P4HA2: variants seen among roughly 807,000 people sequenced by gnomAD.
P4HA2 encodes prolyl 4-hydroxylase subunit alpha-2.
In P4HA2, 46 loss-of-function variants were observed where a neutral mutation model predicts 76.9. That is an observed-to-expected ratio of 0.60 (90% confidence interval 0.47 to 0.76). The LOEUF is 0.76. P4HA2 is among the 30% of genes least tolerant of loss of function. The pLI is 0.00. For missense variants in P4HA2, 583 were observed against 669.4 expected, an observed-to-expected ratio of 0.87 and a Z score of 1.42; for synonymous variants, 243 against 254.0, an observed-to-expected ratio of 0.96 and a Z score of 0.41.
intron 14 of P4HA2, chr5:132,193,380 T>C: frequency 5.7e-6 from 1 of 176,166 alleles, no homozygotes; most frequent in Non-Finnish European, 1.2e-5. Context: ...TTGGCTCTAT[T>C]CCCATGGCAA....
intron 14 of P4HA2, among the ~76,000 whole-genome samples, chr5:132,194,479 T>A (rs908296224): frequency 6.6e-6 from 1 of 152,188 alleles, no homozygotes; most frequent in Non-Finnish European, 1.5e-5. Flanking sequence ...AGCCTCATCT[T>A]CTGGCCCCTG....
intron 1 of P4HA2, 155 bp from the exon 2 acceptor site, chr5:132,218,799 A>G: frequency 1.8e-6 from 1 of 566,058 alleles, no homozygotes; most frequent in South Asian, 1.9e-5. Context: ...AACAGCAGAA[A>G]GAACAAAGAG....
At chr5:132,213,459 A>T (rs572995732) in intron 5 of P4HA2, among the ~76,000 whole-genome samples, 1 of 152,356 alleles carries the variant, frequency 6.6e-6, no homozygotes, top group East Asian at 1.9e-4. Context: ...GAGCAAGAAT[A>T]GAGCCTATAT....
chr5:132,216,231 G>A (rs1447260033), intron 4 of P4HA2, among the ~76,000 whole-genome samples: 1 of 149,314 alleles, frequency 6.7e-6, no homozygotes, highest in East Asian at 2.0e-4. Flanking sequence ...GGAGTTAGGA[G>A]AGCCCACCTC....
In P4HA2 at chr5:132,203,761, G is replaced by A. The variant is rs746767358; in HGVS notation, c.1238C>T (p.Ala413Val). 1 of 1,601,496 alleles carries A rather than the reference G, an allele frequency of 6.2e-7. No homozygotes were observed. The highest frequency in any genetic ancestry group is 2.2e-5 in the East Asian group (1 of 44,822). Residue 413 changes from alanine to valine, a missense_variant, in exon 10 of 15, where the codon GCA becomes GTA. Physicochemically the swap from Ala to Val is moderately conservative, Grantham distance 64. Transcript: ENST00000360568. ...TACTATCTGTACCTGTAACAATTCT[G>A]CAGTCTTTACTGTTAACCCTGTGAT... ...QHITGLTVKT[A>V]ELLQVANYGV...
At chr5:132,207,603 G>T in intron 8 of P4HA2, 105 bp downstream of exon 8, 1 of 896,418 alleles carries the variant, frequency 1.1e-6, no homozygotes, top group Non-Finnish European at 1.8e-6. Flanking sequence ...GCTAGATATG[G>T]ATAAAGGGTG....
intron 1 of P4HA2, among the ~76,000 whole-genome samples, chr5:132,226,291 G>A (rs535871203): frequency 2.0e-5 from 3 of 152,308 alleles, no homozygotes; most frequent in African/African-American, 7.2e-5. Context: ...AATGCCCCAA[G>A]CTACAACGTA....
intron 1 of P4HA2, among the ~76,000 whole-genome samples, chr5:132,226,407 C>G (rs751766761): frequency 2.0e-5 from 3 of 152,168 alleles, no homozygotes; most frequent in Non-Finnish European, 4.4e-5. Context: ...GGGTGTCACT[C>G]TACAGCAAAA....
intron 5 of P4HA2, among the ~76,000 whole-genome samples, chr5:132,213,367 C>A (rs1211193790): frequency 6.6e-6 from 1 of 151,412 alleles, no homozygotes; most frequent in Non-Finnish European, 1.5e-5. Context: ...TATCCAGTAG[C>A]CTAACCAGGA....
rs1481846164 is a variant in P4HA2 at position 132,190,309 on chromosome 5, C to T, written c.*2701G>A. Among the ~76,000 whole-genome samples the T allele has an allele frequency of 6.6e-6, 1 of 152,218 alleles. No homozygotes were observed. The highest frequency in any genetic ancestry group is 1.9e-4 in the East Asian group (1 of 5,200). ...TCAGCTGCAAGCTCATCCTTGTAGTCTCTACTGTTCTACTGTAGCTGCCAC... is the reference window on the plus strand; with the variant it reads ...TCAGCTGCAAGCTCATCCTTGTAGTTTCTACTGTTCTACTGTAGCTGCCAC... On this transcript the variant is annotated 3_prime_UTR_variant, in exon 15 of 15. Transcript: ENST00000360568.
chr5:132,207,681 C>A, intron 8 of P4HA2, 27 bp downstream of exon 8: 1 of 1,603,582 alleles, frequency 6.2e-7, no homozygotes, highest in South Asian at 1.1e-5. Context: ...CTTCAGTGAC[C>A]CGAGAAGGAC....
intron 4 of P4HA2, among the ~76,000 whole-genome samples, chr5:132,215,096 G>A (rs1368243662): frequency 6.6e-6 from 1 of 152,160 alleles, no homozygotes; most frequent in Admixed American, 6.5e-5. Context: ...ATCCACTTCA[G>A]CCATAACTGG....
rs201551157 is a variant in P4HA2, at chr5:132,217,789, T to G, written c.142A>C (p.Ile48Leu). 1.2e-5 allele frequency: 20 copies of G among 1,612,834 alleles called. No homozygotes were observed. The South Asian group carries it at 2.0e-4, about 16-fold the overall frequency. The change falls in exon 3 of 15, where the codon ATC becomes CTC. Residue 48 changes from isoleucine (I) to leucine (L), a missense_variant. Coordinates refer to ENST00000360568, the MANE Select transcript of P4HA2 (RefSeq NM_001017974.2). ...GAAAGCTTGGCTTCCTCCACAAGGATGTACTCTTTCAGAGACTGCACCAGC... is the reference window on the plus strand; with the variant it reads ...GAAAGCTTGGCTTCCTCCACAAGGAGGTACTCTTTCAGAGACTGCACCAGC... ...KELVQSLKEYILVEEAKLSKI... is the reference protein window; with the variant it reads ...KELVQSLKEYLLVEEAKLSKI...
chr5:132,227,640 T>G (rs1435642969), intron 1 of P4HA2, 150 bp downstream of exon 1: 1 of 152,682 alleles, frequency 6.5e-6, no homozygotes, highest in Non-Finnish European at 1.5e-5. Flanking sequence ...CGGACTGCGC[T>G]GCTGGCGGCT....
chr5:132,224,990 G>T (rs1038429074), intron 1 of P4HA2, among the ~76,000 whole-genome samples: 1 of 137,512 alleles, frequency 7.3e-6, no homozygotes, highest in African/African-American at 2.7e-5. Context: ...AGCTGAACAA[G>T]AACTCTCTTC....
chr5:132,195,298 G>A, intron 13 of P4HA2, 114 bp downstream of exon 13: 1 of 826,428 alleles, frequency 1.2e-6, no homozygotes, highest in Non-Finnish European at 2.1e-6. Context: ...CCCCAGGTGG[G>A]CTAAGGCACA....
At position 132,192,863 on chromosome 5, in the gene P4HA2, T is replaced by A; in HGVS notation, c.*147A>T. On this transcript the variant is annotated 3_prime_UTR_variant, in exon 15 of 15. Coordinates refer to ENST00000360568, the MANE Select transcript of P4HA2 (RefSeq NM_001017974.2). ...GGCTGGGACTTCAGTCACACAGGAGTCGCCCTAGTATGGTCTCCCTCTGCT... is the reference window on the plus strand; with the variant it reads ...GGCTGGGACTTCAGTCACACAGGAGACGCCCTAGTATGGTCTCCCTCTGCT... 1 of 606,938 alleles carries A rather than the reference T, an allele frequency of 1.6e-6. No individual in the cohort carries two copies. The highest frequency in any genetic ancestry group is 3.0e-6 in the Non-Finnish European group (1 of 330,834). The allele number at this position is 606,938 out of a possible 1,614,324, so 37.6% of individuals were successfully genotyped here. A position where few individuals can be genotyped will look rare whatever the true frequency, so the allele number is the denominator to read the frequency against.
intron 8 of P4HA2, among the ~76,000 whole-genome samples, chr5:132,204,800 G>A (rs535634283): frequency 6.3e-4 from 96 of 152,320 alleles, no homozygotes; most frequent in African/African-American, 2.0e-3. Flanking sequence ...GTGAACCACT[G>A]CCTGGAAGCC....
intron 12 of P4HA2, chr5:132,198,099 G>T: frequency 6.5e-7 from 1 of 1,535,912 alleles, no homozygotes; most frequent in South Asian, 1.2e-5. Flanking sequence ...AGAAGGACCT[G>T]ACCATTACTT....
Sources: allele counts gnomAD v4.1 joint callset (sites outside exome capture counted in the v4.1 genomes callset), GRCh38; gene constraint gnomAD v4.1.1; transcripts MANE v1.5; gene names NCBI Gene and HGNC (gene_info 2026-07-23, HGNC 2026-07-21).